The following MAGI2 variants were observed in gnomAD, a reference collection of about 807,000 sequenced individuals.
MAGI2 encodes membrane associated guanylate kinase, WW and PDZ domain containing 2.
A neutral mutation model predicts 133.3 loss-of-function variants in MAGI2; 35 were observed. That is an observed-to-expected ratio of 0.26 (90% confidence interval 0.20 to 0.35). The LOEUF (loss-of-function observed/expected upper bound fraction) is 0.35. Among genes scored for constraint, MAGI2 ranks in the 10% least tolerant of loss-of-function variants. The pLI is 1.00. For missense variants in MAGI2, 1,636 were observed against 1,863.4 expected, an observed-to-expected ratio of 0.88 and a Z score of 2.25; for synonymous variants, 729 against 710.6, an observed-to-expected ratio of 1.03 and a Z score of -0.41.
At chr7:78,161,187 C>T (rs116298542) in intron 15 of MAGI2, among the ~76,000 whole-genome samples, 530 of 152,240 alleles carry the variant, frequency 3.5e-3, no homozygotes, top group African/African-American at 0.012. Flanking sequence ...CAAACTAATA[C>T]TTTCATGAGA....
chr7:78,734,604 G>C (rs1447129925), intron 2 of MAGI2, among the ~76,000 whole-genome samples: 1 of 152,198 alleles, frequency 6.6e-6, no homozygotes, highest in African/African-American at 2.4e-5. Flanking sequence ...TCAGACAACA[G>C]GACAAATCAG....
chr7:78,578,865 A>C (rs551876700), intron 3 of MAGI2, among the ~76,000 whole-genome samples: 16 of 152,344 alleles, frequency 1.1e-4, no homozygotes, highest in African/African-American at 3.8e-4. Context: ...CCAGGCCTTC[A>C]AAGAAACTTC....
chr7:78,068,541 A>G (rs1205557954), intron 21 of MAGI2, among the ~76,000 whole-genome samples: 3 of 152,142 alleles, frequency 2.0e-5, no homozygotes, highest in Admixed American at 1.3e-4. Context: ...GGCAGGGAGT[A>G]TATGGGAAAT....
chr7:78,845,736 C>T (rs1009072443), intron 2 of MAGI2, among the ~76,000 whole-genome samples: 6 of 151,950 alleles, frequency 3.9e-5, no homozygotes, highest in Non-Finnish European at 8.8e-5. Flanking sequence ...GTTTGAACAT[C>T]TTTCCAAACC....
At chr7:79,113,930 A>G (rs1395264344) in intron 1 of MAGI2, among the ~76,000 whole-genome samples, 1 of 152,166 alleles carries the variant, frequency 6.6e-6, no homozygotes, top group Non-Finnish European at 1.5e-5. Flanking sequence ...GGCCCTGACC[A>G]TGGAACAGTA....
At chr7:78,266,218 T>C (rs1028191279) in intron 9 of MAGI2, among the ~76,000 whole-genome samples, 4 of 152,194 alleles carry the variant, frequency 2.6e-5, no homozygotes, top group Admixed American at 1.3e-4. Flanking sequence ...TTTATGTTTA[T>C]TTGAGACAAG....
intron 1 of MAGI2, among the ~76,000 whole-genome samples, chr7:79,307,714 A>T (rs1226598601): frequency 6.6e-6 from 1 of 152,192 alleles, no homozygotes; most frequent in Non-Finnish European, 1.5e-5. Flanking sequence ...CTTTTTGGTT[A>T]AAAGAATGTG....
intron 2 of MAGI2, among the ~76,000 whole-genome samples, chr7:78,661,076 C>T (rs1313166314): frequency 6.6e-6 from 1 of 152,112 alleles, no homozygotes; most frequent in Non-Finnish European, 1.5e-5. Flanking sequence ...TTCCTTCTCC[C>T]CTTAATAGCA....
intron 15 of MAGI2, among the ~76,000 whole-genome samples, chr7:78,160,652 A>G (rs1397235983): frequency 6.6e-6 from 1 of 152,214 alleles, no homozygotes; most frequent in African/African-American, 2.4e-5. Flanking sequence ...ATCTTACATG[A>G]TATGGTGCAT....
intron 2 of MAGI2, among the ~76,000 whole-genome samples, chr7:78,817,693 G>A (rs1369299206): frequency 6.6e-6 from 1 of 151,916 alleles, no homozygotes; most frequent in Non-Finnish European, 1.5e-5. Flanking sequence ...TCACACTTAA[G>A]AGACTACAGT....
chr7:78,735,476 TA>T (rs1254662512), intron 2 of MAGI2, among the ~76,000 whole-genome samples: 1 of 152,228 alleles, frequency 6.6e-6, no homozygotes, highest in African/African-American at 2.4e-5. Flanking sequence ...ATATACTTTC[TA>T]AAAACCATTC....
intron 2 of MAGI2, among the ~76,000 whole-genome samples, chr7:78,916,085 A>G (rs1798770970): frequency 1.3e-5 from 2 of 152,138 alleles, no homozygotes; most frequent in African/African-American, 4.8e-5. Context: ...AATTGCAACT[A>G]AAGAGTATAG....
chr7:78,557,381 G>A (rs1391210857), intron 3 of MAGI2, among the ~76,000 whole-genome samples: 4 of 152,140 alleles, frequency 2.6e-5, no homozygotes, highest in African/African-American at 9.7e-5. Flanking sequence ...ACCATTTCCT[G>A]CTCATGACCT....
At chr7:79,069,554 G>T (rs972527263) in intron 1 of MAGI2, among the ~76,000 whole-genome samples, 1 of 151,756 alleles carries the variant, frequency 6.6e-6, no homozygotes. Flanking sequence ...TATCCAATTT[G>T]CCTGTCTGTG....
chr7:79,049,287 C>G (rs545181733), intron 1 of MAGI2, among the ~76,000 whole-genome samples: 2 of 151,790 alleles, frequency 1.3e-5, no homozygotes, highest in East Asian at 3.9e-4. Context: ...TTTTTTTTCC[C>G]CCTGCCATCA....
chr7:78,296,431 C>T (rs1024514607), intron 9 of MAGI2, among the ~76,000 whole-genome samples: 4 of 152,168 alleles, frequency 2.6e-5, no homozygotes, highest in Non-Finnish European at 4.4e-5. Context: ...CCTGCCCTCA[C>T]AGACATTTCT....
chr7:78,050,664 C>T (rs945059950), intron 21 of MAGI2, among the ~76,000 whole-genome samples: 2 of 151,842 alleles, frequency 1.3e-5, no homozygotes, highest in Admixed American at 1.3e-4. Context: ...CTGTTTGTGT[C>T]TCAGATTTCT....
intron 2 of MAGI2, among the ~76,000 whole-genome samples, chr7:78,738,148 A>G (rs1006669788): frequency 6.6e-6 from 1 of 152,158 alleles, no homozygotes; most frequent in Non-Finnish European, 1.5e-5. Flanking sequence ...ATATTAAGAT[A>G]CTTTAAGTCA....
intron 1 of MAGI2, among the ~76,000 whole-genome samples, chr7:79,235,480 G>A (rs753900875): frequency 6.6e-5 from 10 of 152,224 alleles, no homozygotes; most frequent in East Asian, 3.9e-4. Context: ...AGCCAGGTGC[G>A]GGATATAATC....
Sources: allele counts gnomAD v4.1 joint callset (sites outside exome capture counted in the v4.1 genomes callset), GRCh38; gene constraint gnomAD v4.1.1; transcripts MANE v1.5; gene names NCBI Gene and HGNC (gene_info 2026-07-23, HGNC 2026-07-21).